The following ANKRD26 variants were observed in gnomAD, a reference collection of about 807,000 sequenced individuals.
ANKRD26 encodes the protein ankyrin repeat domain 26, also known as ankyrin repeat domain-containing protein 26.
In ANKRD26, 141 loss-of-function variants were observed where a neutral mutation model predicts 208.7. That is an observed-to-expected ratio of 0.68 (90% CI 0.59 to 0.78). ANKRD26 has a LOEUF of 0.78. Ranked by LOEUF, ANKRD26 falls within the 30% of genes least tolerant of loss-of-function variation. ANKRD26 has a pLI of 0.00. For missense variants in ANKRD26, 1,889 were observed against 1,938.7 expected, an observed-to-expected ratio of 0.97 and a Z score of 0.48; for synonymous variants, 636 against 660.4, an observed-to-expected ratio of 0.96 and a Z score of 0.57.
downstream of ANKRD26, among the ~76,000 whole-genome samples, chr10:27,002,418 G>A (rs1379278411): frequency 6.6e-6 from 1 of 152,182 alleles, no homozygotes; most frequent in Non-Finnish European, 1.5e-5. Flanking sequence ...TTTCCTCCAG[G>A]TATTCTGGTT....
Position 27,043,585 on chromosome 10 carries a change from C to G in ANKRD26, c.2020-18G>C. On this transcript the variant is annotated intron_variant, in intron 19 of 33. Transcript: ENST00000376087. ...TTTTTGACCTATGAAATAAATAACA[C>G]TGTTTCAAAATGTCCCCAGAATATT... The G allele has an allele frequency of 6.2e-7, 1 of 1,607,896 alleles. No individual in the cohort carries two copies. Among genetic ancestry groups the G allele is most frequent in the Non-Finnish European group, 8.5e-7 (1 of 1,174,968 alleles).
At chr10:27,086,768 GTTTTTTTTTTT>G (rs36035101) in intron 4 of ANKRD26, among the ~76,000 whole-genome samples, 159 bp from the exon 5 acceptor site, 1 of 97,016 alleles carries the variant, frequency 1.0e-5, no homozygotes, top group Non-Finnish European at 2.0e-5. Context: ...AAACTTTTTT[GTTTTTTTTTTT>G]TTTTTTTTTT....
chr10:26,976,835 A>G (rs2052234997), intron 5 of ANKRD26, among the ~76,000 whole-genome samples: 1 of 152,144 alleles, frequency 6.6e-6, no homozygotes, highest in Admixed American at 6.5e-5. Flanking sequence ...TGCACAAAAC[A>G]GAGCAGCCAG....
Position 27,091,110 on chromosome 10 carries a change from A to AATAATG in ANKRD26, c.638+1295_638+1296insCATTAT, listed in dbSNP as rs1247079014. Among the ~76,000 whole-genome samples the AATAATG allele has an allele frequency of 3.3e-5, 5 of 152,056 alleles. No homozygotes were observed. The East Asian group carries it at 9.6e-4, about 29-fold the overall frequency. Reference sequence around the variant, plus strand: ...CCCTGTCTCAAATAATAATAATAATAATAATAAAGGTAATAATAGGAGTCA... The same window carrying AATAATG: ...CCCTGTCTCAAATAATAATAATAATAATAATGATAATAAAGGTAATAATAGGAGTCA... On this transcript the variant is annotated intron_variant, in intron 4 of 33. Coordinates refer to ENST00000376087, the MANE Select transcript of ANKRD26 (RefSeq NM_014915.3).
chr10:27,022,574 T>C lies in ANKRD26; in HGVS notation c.4199A>G (p.Asn1400Ser). ...AAAAATTACCTTATGTTTTAGCTTA[T>C]TAATCTGAATATCCATTTCAAATTG... is the stretch of plus-strand genomic sequence containing the variant. ...TSQFEMDIQI[N>S]KLKHKIDDLT... Residue 1400 changes from asparagine to serine, a missense_variant, in exon 29 of 34, where the codon AAT becomes AGT. Coordinates refer to ENST00000376087, the MANE Select transcript of ANKRD26 (RefSeq NM_014915.3). The C allele has an allele frequency of 6.5e-7, 1 of 1,536,434 alleles. No homozygotes were observed. Among genetic ancestry groups the C allele is most frequent in the Non-Finnish European group, 9.0e-7 (1 of 1,116,756 alleles).
exon 6 of ANKRD26, among the ~76,000 whole-genome samples, chr10:26,974,212 T>G (rs897348969): frequency 6.6e-6 from 1 of 152,174 alleles, no homozygotes; most frequent in African/African-American, 2.4e-5. Context: ...ATATTTTACA[T>G]GTTCCTTTTT....
the ANKRD26 span, among the ~76,000 whole-genome samples, chr10:26,966,558 A>C: frequency 6.6e-6 from 1 of 152,208 alleles, no homozygotes; most frequent in Non-Finnish European, 1.5e-5. Flanking sequence ...ACGTATACCT[A>C]TGTAACAAAC....
At chr10:27,099,115 G>C (rs1342196783) in intron 1 of ANKRD26, among the ~76,000 whole-genome samples, 1 of 151,818 alleles carries the variant, frequency 6.6e-6, no homozygotes, top group Non-Finnish European at 1.5e-5. Flanking sequence ...CTCAGTCTTC[G>C]GAGTAGCTGA....
chr10:27,064,005 C>A lies in ANKRD26; in HGVS notation c.1346G>T (p.Gly449Val). The A allele has an allele frequency of 6.2e-7, 1 of 1,609,124 alleles. No individual in the cohort carries two copies. Among genetic ancestry groups the A allele is most frequent in the Non-Finnish European group, 8.5e-7 (1 of 1,178,160 alleles). ...GCTCTTACCTTCTGCTTGTTCATTT[C>A]CTATATTTTTTTCTTTTCCGTCTGC... is the stretch of plus-strand genomic sequence containing the variant. ...GAADGKEKNIGNEQAEDVFYI... is the reference protein window; with the variant it reads ...GAADGKEKNIVNEQAEDVFYI... Residue 449 changes from glycine to valine, a missense_variant, in exon 12 of 34, where the codon GGA becomes GTA. Around this residue, in one of 3 missense-constraint regions of ANKRD26, gnomAD observed 1,272 missense variants for 1,273.8 expected, o/e 1.00. Transcript: ENST00000376087.
chr10:27,082,015 T>C (rs902501170), intron 6 of ANKRD26, among the ~76,000 whole-genome samples: 11 of 146,632 alleles, frequency 7.5e-5, no homozygotes, highest in Non-Finnish European at 1.6e-4. Context: ...GGATTACAGT[T>C]GTGAGCCACC....
chr10:27,004,956 G>C lies in ANKRD26; in HGVS notation c.*634C>G. 1.8e-5 allele frequency: 14 copies of C among 771,888 alleles called. No homozygotes were observed. The highest frequency in any genetic ancestry group is 2.2e-5 in the Non-Finnish European group (14 of 635,356). 47.8% of individuals were successfully genotyped at this position (771,888 alleles called of 1,614,324 possible). A position where few individuals can be genotyped will look rare whatever the true frequency, so the allele number is the denominator to read the frequency against. Reference sequence around the variant, plus strand: ...AGGAATGCCCACTAAAGTAATCAGGGGTGATGACATAATGTCAGCAATTTA... The same window carrying C: ...AGGAATGCCCACTAAAGTAATCAGGCGTGATGACATAATGTCAGCAATTTA... On this transcript the variant is annotated 3_prime_UTR_variant, in exon 34 of 34. Coordinates refer to ENST00000376087, the MANE Select transcript of ANKRD26 (RefSeq NM_014915.3).
intron 17 of ANKRD26, 54 bp downstream of exon 17, chr10:27,048,747 G>C (rs2054546823): frequency 6.5e-7 from 1 of 1,543,662 alleles, no homozygotes; most frequent in East Asian, 2.3e-5. Flanking sequence ...GTCCAAATTA[G>C]AATTTTTATA....
At position 27,035,492 on chromosome 10, in the gene ANKRD26, T is replaced by A. The variant is rs2054014263; in HGVS notation, c.2958A>T (p.Ala986=). 6.2e-7 allele frequency: 1 copy of A among 1,613,934 alleles called. No individual in the cohort carries two copies. The highest frequency in any genetic ancestry group is 1.1e-5 in the South Asian group (1 of 91,076). ...GRLSVLTAEN[A]MLNSKLENEK... is the part of the protein sequence containing the mutation. The stretch of plus-strand genomic sequence containing the variant: ...CATTCTCCAGTTTAGAATTTAGCAT[T>A]GCATTCTCAGCTGTCAGAACACTAA... The change falls in exon 24 of 34, where the codon GCA becomes GCT. Residue 986 remains alanine (A), a synonymous_variant. Transcript: ENST00000376087.
intron 3 of ANKRD26, among the ~76,000 whole-genome samples, chr10:26,984,481 A>G (rs1450740130): frequency 6.6e-6 from 1 of 152,226 alleles, no homozygotes. Context: ...ACTACCTGGT[A>G]TGGACCCTTC....
intron 4 of ANKRD26, among the ~76,000 whole-genome samples, chr10:26,997,764 G>C (rs1338205737): frequency 1.3e-5 from 2 of 152,166 alleles, no homozygotes; most frequent in Non-Finnish European, 2.9e-5. Context: ...ATGTGTTTCG[G>C]AGAAAATGCT....
intron 1 of ANKRD26, among the ~76,000 whole-genome samples, chr10:27,098,709 C>T (rs35657233): frequency 0.08 from 12,092 of 151,516 alleles, 702 homozygotes; most frequent in East Asian, 0.29. Context: ...CCACCATGCC[C>T]GGCTGATTTT....
At chr10:27,088,397 A>G (rs1458393968) in intron 4 of ANKRD26, 1 of 152,160 alleles carries the variant, frequency 6.6e-6, no homozygotes, top group African/African-American at 2.4e-5. Context: ...CATTGTTCAA[A>G]TTTTAGTATA....
At chr10:26,961,335 T>G in the ANKRD26 span, among the ~76,000 whole-genome samples, 35 of 152,138 alleles carry the variant, frequency 2.3e-4, 1 homozygote, top group East Asian at 6.4e-3. Flanking sequence ...AATAAAAACT[T>G]AAAATAGAAT....
intron 6 of ANKRD26, chr10:27,080,244 T>A (rs1209918168): frequency 1.3e-5 from 2 of 148,370 alleles, no homozygotes; most frequent in South Asian, 2.1e-4. Context: ...TTCTCCACTA[T>A]CTATCTCCAT....
Sources: allele counts gnomAD v4.1 joint callset (sites outside exome capture counted in the v4.1 genomes callset), GRCh38; gene constraint gnomAD v4.1.1; regional missense constraint gnomAD v4.1.1; transcripts MANE v1.5; gene names NCBI Gene and HGNC (gene_info 2026-07-23, HGNC 2026-07-21).